The following TRHDE variants were observed in gnomAD, a reference collection of about 807,000 sequenced individuals.
TRHDE encodes thyrotropin-releasing hormone-degrading ectoenzyme.
A neutral mutation model predicts 125.7 loss-of-function variants in TRHDE; 72 were observed. The ratio of observed to expected loss-of-function variants is 0.57; its 90% confidence interval spans 0.47 to 0.70. The LOEUF (loss-of-function observed/expected upper bound fraction) is 0.70. Ranked by LOEUF, TRHDE falls within the 30% of genes least tolerant of loss-of-function variation. TRHDE has a pLI of 0.00. For synonymous variants in TRHDE, 509 were observed against 509.1 expected, an observed-to-expected ratio of 1.00 and a Z score of 0.00; for missense variants, 1,110 against 1,327.1, an observed-to-expected ratio of 0.84 and a Z score of 2.54.
intron 7 of TRHDE, among the ~76,000 whole-genome samples, chr12:72,555,865 A>C (rs1869896486): frequency 6.6e-6 from 1 of 152,216 alleles, no homozygotes; most frequent in Non-Finnish European, 1.5e-5. Flanking sequence ...CTAATAATGC[A>C]CATACTTACA....
At chr12:72,562,095 T>G in intron 7 of TRHDE, 70 bp from the exon 8 acceptor site, 1 of 659,776 alleles carries the variant, frequency 1.5e-6, no homozygotes, top group Non-Finnish European at 2.7e-6. Context: ...AATTATTAAT[T>G]GAGAAATAAA....
chr12:72,318,681 C>T (rs1037331126), intron 2 of TRHDE, among the ~76,000 whole-genome samples: 4 of 151,820 alleles, frequency 2.6e-5, no homozygotes, highest in African/African-American at 9.7e-5. Flanking sequence ...TATCCTGGCT[C>T]CATTATGTCC....
At chr12:72,127,379 A>G (rs534349959) in intron 2 of TRHDE, among the ~76,000 whole-genome samples, 9 of 152,354 alleles carry the variant, frequency 5.9e-5, no homozygotes, top group Admixed American at 1.3e-4. Context: ...AAAAAGACAC[A>G]TGTACTCATA....
chr12:72,264,114 G>A (rs973144145), intron 2 of TRHDE: 5 of 151,910 alleles, frequency 3.3e-5, no homozygotes, highest in Non-Finnish European at 5.9e-5. Flanking sequence ...CTTTTCACTT[G>A]GCTATTCAAA....
chr12:72,286,225 T>A (rs1279204597), intron 1 of TRHDE, among the ~76,000 whole-genome samples: 1 of 152,208 alleles, frequency 6.6e-6, no homozygotes, highest in East Asian at 1.9e-4. Context: ...CTTGTTGAAA[T>A]TTTAGGGCAC....
intron 1 of TRHDE, among the ~76,000 whole-genome samples, chr12:72,097,420 C>A (rs1031719344): frequency 2.2e-5 from 3 of 139,444 alleles, no homozygotes; most frequent in Non-Finnish European, 4.5e-5. Flanking sequence ...CCTTACCTTG[C>A]AGTAGCATTT....
In TRHDE at chr12:72,666,202, C is replaced by T. The variant is rs1250025880; in HGVS notation, c.*3007C>T. 6.6e-6 allele frequency: 1 copy of T among 151,942 alleles called. No individual in the cohort carries two copies. Among genetic ancestry groups the T allele is most frequent in the Non-Finnish European group, 1.5e-5 (1 of 67,992 alleles). 9.4% of individuals were successfully genotyped at this position (151,942 alleles called of 1,614,324 possible). A position where few individuals can be genotyped will look rare whatever the true frequency, so the allele number is the denominator to read the frequency against. On this transcript the variant is annotated 3_prime_UTR_variant, in exon 19 of 19. Coordinates refer to ENST00000261180, the MANE Select transcript of TRHDE (RefSeq NM_013381.3). ...AAAAACATAATAAATGTTGTGAGCCCTAATATTCTGATGAGAAAACTGGGG... is the reference window on the plus strand; with the variant it reads ...AAAAACATAATAAATGTTGTGAGCCTTAATATTCTGATGAGAAAACTGGGG...
intron 12 of TRHDE, among the ~76,000 whole-genome samples, chr12:72,593,100 T>C (rs986766170): frequency 5.9e-5 from 9 of 152,222 alleles, no homozygotes; most frequent in South Asian, 2.1e-4. Flanking sequence ...GCTTGCTGTC[T>C]CTTTCATTTT....
intron 2 of TRHDE, among the ~76,000 whole-genome samples, chr12:72,295,819 GA>G (rs1880278277): frequency 6.6e-6 from 1 of 151,672 alleles, no homozygotes; most frequent in Admixed American, 6.6e-5. Context: ...GTTACTAATA[GA>G]AGTCCTGTTG....
chr12:72,576,088 T>C (rs1482439742), intron 12 of TRHDE, among the ~76,000 whole-genome samples: 1 of 152,152 alleles, frequency 6.6e-6, no homozygotes, highest in East Asian at 1.9e-4. Context: ...AATATTCAAA[T>C]TAGTTATTCC....
intron 2 of TRHDE, among the ~76,000 whole-genome samples, chr12:72,295,019 A>G (rs927566883): frequency 2.0e-5 from 3 of 151,870 alleles, no homozygotes; most frequent in Admixed American, 2.0e-4. Flanking sequence ...CTGAGCCTGC[A>G]AGGGCAAGGG....
At chr12:72,576,990 G>C (rs1312088937) in intron 12 of TRHDE, among the ~76,000 whole-genome samples, 2 of 151,876 alleles carry the variant, frequency 1.3e-5, no homozygotes, top group Non-Finnish European at 2.9e-5. Flanking sequence ...CTACATAAAG[G>C]CCTGCTGAAT....
chr12:72,131,174 C>A (rs1875853649), intron 2 of TRHDE, among the ~76,000 whole-genome samples: 1 of 150,576 alleles, frequency 6.6e-6, no homozygotes, highest in South Asian at 2.1e-4. Flanking sequence ...CGGGTTCACG[C>A]CATTTTCCTG....
At chr12:72,114,669 G>C (rs1171433601) in intron 2 of TRHDE, among the ~76,000 whole-genome samples, 1 of 152,066 alleles carries the variant, frequency 6.6e-6, no homozygotes, top group African/African-American at 2.4e-5. Context: ...GTTCAGGGGT[G>C]TTTAAGGGTC....
At chr12:72,432,181 C>G (rs118146364) in intron 3 of TRHDE, 2 of 152,042 alleles carry the variant, frequency 1.3e-5, no homozygotes, top group Non-Finnish European at 2.9e-5. Context: ...GGGTCTGTCC[C>G]GCAGACCCTG....
At chr12:72,143,897 A>C (rs1404586552) in intron 2 of TRHDE, among the ~76,000 whole-genome samples, 2 of 152,204 alleles carry the variant, frequency 1.3e-5, no homozygotes, top group Non-Finnish European at 2.9e-5. Flanking sequence ...TGTTTTTACT[A>C]GTTTACTTCT....
chr12:72,428,571 T>G (rs1457210003), intron 3 of TRHDE, among the ~76,000 whole-genome samples: 1 of 152,144 alleles, frequency 6.6e-6, no homozygotes, highest in African/African-American at 2.4e-5. Context: ...TTTTTATTTC[T>G]TTTTTATTAG....
intron 6 of TRHDE, among the ~76,000 whole-genome samples, chr12:72,531,725 C>T (rs1176296363): frequency 6.6e-6 from 1 of 151,742 alleles, no homozygotes; most frequent in Admixed American, 6.6e-5. Context: ...TACTGAATTC[C>T]CTGCTCTTAT....
intron 2 of TRHDE, among the ~76,000 whole-genome samples, chr12:72,321,962 C>G (rs951885443): frequency 2.6e-5 from 4 of 152,000 alleles, no homozygotes; most frequent in African/African-American, 7.2e-5. Context: ...TATGGTAGTT[C>G]TTATGCATAG....
Sources: allele counts gnomAD v4.1 joint callset (sites outside exome capture counted in the v4.1 genomes callset), GRCh38; gene constraint gnomAD v4.1.1; transcripts MANE v1.5; gene names NCBI Gene and HGNC (gene_info 2026-07-23, HGNC 2026-07-21).